NXPH1: variants seen among roughly 807,000 people sequenced by gnomAD.
NXPH1 encodes the protein neurexophilin-1.
In NXPH1, 5 loss-of-function variants were observed where a neutral mutation model predicts 23.7. The ratio of observed to expected loss-of-function variants is 0.21; its 90% CI spans 0.11 to 0.44. The LOEUF is 0.44. NXPH1 is among the 20% of genes least tolerant of loss of function. The pLI, the probability that NXPH1 is intolerant of heterozygous loss-of-function variation, is 0.99. For synonymous variants in NXPH1, 144 were observed against 122.2 expected, an observed-to-expected ratio of 1.18 and a Z score of -1.18; for missense variants, 324 against 321.6, an observed-to-expected ratio of 1.01 and a Z score of -0.06.
intron 2 of NXPH1, among the ~76,000 whole-genome samples, chr7:8,589,794 CAATAGATAGCCACCATCCAGTA>C (rs1819054289): frequency 6.6e-6 from 1 of 152,020 alleles, no homozygotes. Flanking sequence ...CTGCACCATC[CAATAGATAGCCACCATCCAGTA>C]GATAGATAGC....
chr7:8,437,107 G>T (rs1816209645), intron 2 of NXPH1, among the ~76,000 whole-genome samples: 1 of 152,190 alleles, frequency 6.6e-6, no homozygotes, highest in East Asian at 1.9e-4. Flanking sequence ...CAGCGTCCTC[G>T]CCCACAGGAC....
chr7:8,654,667 C>T (rs1266509520), intron 2 of NXPH1, among the ~76,000 whole-genome samples: 2 of 152,136 alleles, frequency 1.3e-5, no homozygotes, highest in African/African-American at 2.4e-5. Context: ...CTCCTCCAGT[C>T]TTTGCATCCT....
At chr7:8,485,671 A>C (rs1422555148) in intron 2 of NXPH1, among the ~76,000 whole-genome samples, 4 of 152,108 alleles carry the variant, frequency 2.6e-5, no homozygotes, top group Admixed American at 2.0e-4. Flanking sequence ...GGCTCAAAAG[A>C]CTTCTCATTT....
intron 2 of NXPH1, among the ~76,000 whole-genome samples, chr7:8,510,646 T>G (rs17150078): frequency 0.017 from 2,574 of 152,240 alleles, 64 homozygotes; most frequent in African/African-American, 0.056. Flanking sequence ...AGCCTGCTCC[T>G]TTTTGAAGAA....
At chr7:8,718,204 A>T (rs1426879842) in intron 2 of NXPH1, among the ~76,000 whole-genome samples, 6 of 152,236 alleles carry the variant, frequency 3.9e-5, no homozygotes, top group South Asian at 2.1e-4. Flanking sequence ...ATTATATGTA[A>T]AGCAGGCTTG....
chr7:8,719,772 GAAATA>G, intron 2 of NXPH1, among the ~76,000 whole-genome samples: 1 of 152,022 alleles, frequency 6.6e-6, no homozygotes, highest in East Asian at 1.9e-4. Flanking sequence ...TTATGGAAAT[GAAATA>G]CTTTTATACA....
At chr7:8,598,603 G>C (rs1333078793) in intron 2 of NXPH1, among the ~76,000 whole-genome samples, 2 of 152,192 alleles carry the variant, frequency 1.3e-5, no homozygotes, top group South Asian at 2.1e-4. Context: ...GAAGCAAGGG[G>C]GTAGGGGAAA....
chr7:8,592,300 G>A (rs1417290473), intron 2 of NXPH1, among the ~76,000 whole-genome samples: 1 of 151,928 alleles, frequency 6.6e-6, no homozygotes, highest in Non-Finnish European at 1.5e-5. Flanking sequence ...CAAATGTCAC[G>A]CAATACATAA....
At chr7:8,451,952 T>C (rs1463909766) in intron 2 of NXPH1, among the ~76,000 whole-genome samples, 1 of 152,190 alleles carries the variant, frequency 6.6e-6, no homozygotes, top group Non-Finnish European at 1.5e-5. Context: ...TCATGGAACA[T>C]AGCCCAAACT....
At chr7:8,629,997 G>T (rs1436858813) in intron 2 of NXPH1, among the ~76,000 whole-genome samples, 2 of 152,052 alleles carry the variant, frequency 1.3e-5, no homozygotes, top group African/African-American at 4.8e-5. Flanking sequence ...GTGCTAAAGA[G>T]GCCAAGATGG....
chr7:8,576,636 T>C (rs1818761557), intron 2 of NXPH1, among the ~76,000 whole-genome samples: 1 of 152,068 alleles, frequency 6.6e-6, no homozygotes. Context: ...GAAAGTTATA[T>C]TGGGACCAGA....
intron 2 of NXPH1, among the ~76,000 whole-genome samples, chr7:8,445,728 T>C (rs1267438209): frequency 6.6e-6 from 1 of 152,252 alleles, no homozygotes; most frequent in Non-Finnish European, 1.5e-5. Flanking sequence ...TATTCACCTC[T>C]TTAGAGGATT....
At position 8,595,652 on chromosome 7, in the gene NXPH1, T is replaced by C. The variant is rs573022552; in HGVS notation, c.55-155356T>C. On this transcript the variant is annotated intron_variant, in intron 2 of 2. Coordinates refer to ENST00000405863, the MANE Select transcript of NXPH1 (RefSeq NM_152745.3). ...ACTTCTGACAATTTGTGAAAGTGTA[T>C]CTGACTTCTACGGAACTCAAGAGTA... 2.0e-5 allele frequency among the ~76,000 whole-genome samples: 3 copies of C among 152,218 alleles called. No homozygotes were observed. In the East Asian group the frequency reaches 5.8e-4, roughly 29 times the overall value.
intron 2 of NXPH1, among the ~76,000 whole-genome samples, chr7:8,511,502 C>A (rs1489906846): frequency 6.6e-6 from 1 of 152,088 alleles, no homozygotes; most frequent in African/African-American, 2.4e-5. Flanking sequence ...ACAGTATAGA[C>A]TGACCCTCAT....
chr7:8,648,219 T>C (rs931088910), intron 2 of NXPH1, among the ~76,000 whole-genome samples: 1 of 152,176 alleles, frequency 6.6e-6, no homozygotes, highest in African/African-American at 2.4e-5. Context: ...TATTTTTGAC[T>C]ATAGTCACCC....
At chr7:8,486,359 C>A (rs562989649) in intron 2 of NXPH1, among the ~76,000 whole-genome samples, 7 of 152,264 alleles carry the variant, frequency 4.6e-5, no homozygotes, top group African/African-American at 1.7e-4. Flanking sequence ...GCCTGTTTTA[C>A]CTTCCAAACT....
chr7:8,665,333 A>G (rs533738776), intron 2 of NXPH1, among the ~76,000 whole-genome samples: 2 of 152,170 alleles, frequency 1.3e-5, no homozygotes, highest in East Asian at 3.9e-4. Context: ...TTAACCATAG[A>G]TACATGGATT....
chr7:8,597,114 GCTA>G (rs1337035103), intron 2 of NXPH1, among the ~76,000 whole-genome samples: 2 of 152,016 alleles, frequency 1.3e-5, no homozygotes, highest in Non-Finnish European at 2.9e-5. Flanking sequence ...TAAGAGATTT[GCTA>G]CTACAACATG....
intron 2 of NXPH1, among the ~76,000 whole-genome samples, chr7:8,488,440 A>C (rs1427280760): frequency 2.0e-5 from 3 of 152,168 alleles, no homozygotes; most frequent in African/African-American, 7.2e-5. Context: ...AAATTGATTA[A>C]GTGATTTTCC....
Sources: allele counts gnomAD v4.1 joint callset (sites outside exome capture counted in the v4.1 genomes callset), GRCh38; gene constraint gnomAD v4.1.1; transcripts MANE v1.5; gene names NCBI Gene and HGNC (gene_info 2026-07-23, HGNC 2026-07-21).